Variants in GMEB1 observed in about 807,000 individuals in gnomAD.
The protein encoded by GMEB1 is glucocorticoid modulatory element-binding protein 1.
In GMEB1, 6 loss-of-function variants were observed where a neutral mutation model predicts 52.4. That is an observed-to-expected ratio of 0.11 (90% CI 0.06 to 0.23). The LOEUF is 0.23. Among genes scored for constraint, GMEB1 ranks in the 10% least tolerant of loss-of-function variants. GMEB1 has a pLI of 1.00. For synonymous variants in GMEB1, 255 were observed against 244.9 expected, an observed-to-expected ratio of 1.04 and a Z score of -0.38; for missense variants, 486 against 685.6, an observed-to-expected ratio of 0.71 and a Z score of 3.25.
At chr1:28,691,787 A>G (rs925642014) in intron 4 of GMEB1, 78 bp downstream of exon 4, 4 of 482,776 alleles carry the variant, frequency 8.3e-6, no homozygotes, top group Non-Finnish European at 1.5e-5. Context: ...CATCCTTTTT[A>G]TCTTCCACTA....
intron 4 of GMEB1, 115 bp downstream of exon 4, chr1:28,691,824 ATT>A: frequency 5.1e-6 from 1 of 195,630 alleles, no homozygotes; most frequent in Non-Finnish European, 9.8e-6. Flanking sequence ...TTATTTATTT[ATT>A]TATTTATTTA....
At chr1:28,697,936 G>C (rs1228333019) in intron 6 of GMEB1, among the ~76,000 whole-genome samples, 2 of 152,084 alleles carry the variant, frequency 1.3e-5, no homozygotes, top group East Asian at 3.9e-4. Context: ...TCAGGAGATT[G>C]AGACCATCCT....
chr1:28,700,354 T>C (rs1670441659), intron 6 of GMEB1, among the ~76,000 whole-genome samples: 1 of 150,384 alleles, frequency 6.6e-6, no homozygotes, highest in African/African-American at 2.4e-5. Flanking sequence ...CTACTAAAAA[T>C]ACAAAAAAAA....
rs764318801 is a variant in GMEB1, at chr1:28,710,544, C to G, written c.893C>G (p.Ala298Gly). 2 of 1,609,688 alleles carry G rather than the reference C, an allele frequency of 1.2e-6. No homozygotes were observed. Among genetic ancestry groups the G allele is most frequent in the South Asian group, 1.1e-5 (1 of 90,042 alleles). ...VTDAAVLNNV[A>G]HTFGLMDTVK... Reference sequence around the variant, plus strand: ...GATGCTGCTGTTCTCAACAATGTAGCACACACATTTGGCCTAATGGACACA... The same window carrying G: ...GATGCTGCTGTTCTCAACAATGTAGGACACACATTTGGCCTAATGGACACA... Residue 298 changes from alanine (A) to glycine (G), a missense_variant, in exon 9 of 10, where the codon GCA becomes GGA. This residue lies in a region of GMEB1 where 200 missense variants were observed against 253.5 expected (regional missense o/e 0.79). Transcript: ENST00000373816.
chr1:28,695,113 C>A (rs186906907), intron 5 of GMEB1, among the ~76,000 whole-genome samples: 2 of 151,554 alleles, frequency 1.3e-5, no homozygotes, highest in East Asian at 1.9e-4. Context: ...TACAGGTGCG[C>A]GCCACCACAC....
At chr1:28,669,127 C>T (rs1570366927) in intron 1 of GMEB1, among the ~76,000 whole-genome samples, 1 of 150,342 alleles carries the variant, frequency 6.7e-6, no homozygotes, top group African/African-American at 2.4e-5. Flanking sequence ...GGGCCCCAGA[C>T]CAGGGCGGCG....
In GMEB1 at chr1:28,717,050, TAAG is replaced by T. The variant is rs1272522414; in HGVS notation, c.*2281_*2283del. The T allele has an allele frequency of 6.6e-6, 1 of 152,032 alleles. No homozygotes were observed. Among genetic ancestry groups the T allele is most frequent in the Admixed American group, 6.6e-5 (1 of 15,266 alleles). The allele number at this position is 152,032 out of a possible 1,614,324, so 9.4% of individuals were successfully genotyped here. ...AGTTTTTTTTTTTCTTTTTTATTTT[TAAG>T]AAGGCACCTTTCAGAAGCCATGTTT... On this transcript the variant is annotated 3_prime_UTR_variant, in exon 10 of 10. Coordinates refer to ENST00000373816, the MANE Select transcript of GMEB1 (RefSeq NM_001319674.2).
At position 28,683,605 on chromosome 1, in the gene GMEB1, T is replaced by A. The variant is rs771107458; in HGVS notation, c.-8T>A. 1.3e-6 allele frequency: 2 copies of A among 1,594,852 alleles called. No individual in the cohort carries two copies. The highest frequency in any genetic ancestry group is 1.7e-6 in the Non-Finnish European group (2 of 1,172,628). On this transcript the variant is annotated 5_prime_UTR_variant, in exon 2 of 10. An upstream start codon of the reference 5' UTR is lost. Coordinates refer to ENST00000373816, the MANE Select transcript of GMEB1 (RefSeq NM_001319674.2). ...CAGCAGTCCCAGCTATCTGACTTCA[T>A]GTGAAAGATGGCTAATGCAGAAGTG...
At position 28,717,190 on chromosome 1, in the gene GMEB1, T is replaced by G. The variant is rs1409015701; in HGVS notation, c.*2417T>G. On this transcript the variant is annotated 3_prime_UTR_variant, in exon 10 of 10. Coordinates refer to ENST00000373816, the MANE Select transcript of GMEB1 (RefSeq NM_001319674.2). Reference sequence around the variant, plus strand: ...TGTAACATGGTAAGGTTGCTGTTTTTTTTTTTTTTTTCTTTTTGAGATGGA... The same window carrying G: ...TGTAACATGGTAAGGTTGCTGTTTTGTTTTTTTTTTTCTTTTTGAGATGGA... The G allele has an allele frequency of 2.6e-5, 4 of 151,400 alleles. No individual in the cohort carries two copies. The East Asian group carries it at 5.8e-4, about 22-fold the overall frequency. The allele number at this position is 151,400 out of a possible 1,614,324, so 9.4% of individuals were successfully genotyped here. A position where few individuals can be genotyped will look rare whatever the true frequency, so the allele number is the denominator to read the frequency against.
intron 1 of GMEB1, among the ~76,000 whole-genome samples, chr1:28,672,231 TTATTTTTGAGACG>T (rs1668923046): frequency 8.2e-6 from 1 of 122,676 alleles, no homozygotes; most frequent in Non-Finnish European, 1.8e-5. Flanking sequence ...ATTTATTTAT[TTATTTTTGAGACG>T]GAGTCTCACT....
intron 1 of GMEB1, among the ~76,000 whole-genome samples, chr1:28,672,458 C>T (rs1570372995): frequency 6.6e-6 from 1 of 151,060 alleles, no homozygotes. Flanking sequence ...CTCCTGACCT[C>T]GTGATCCGCC....
intron 1 of GMEB1, among the ~76,000 whole-genome samples, chr1:28,683,218 C>T (rs898748742): frequency 2.6e-5 from 4 of 151,534 alleles, no homozygotes; most frequent in African/African-American, 7.3e-5. Flanking sequence ...GACTTCTTTT[C>T]TTTTCTTCTT....
At chr1:28,713,940 A>G in intron 9 of GMEB1, 133 bp from the exon 10 acceptor site, 1 of 693,870 alleles carries the variant, frequency 1.4e-6, no homozygotes, top group Non-Finnish European at 2.5e-6. Context: ...CACAAGAAAG[A>G]AAACAATGTC....
intron 1 of GMEB1, 62 bp downstream of exon 1, chr1:28,668,901 C>A (rs1000417269): frequency 6.4e-4 from 89 of 140,072 alleles, no homozygotes; most frequent in Non-Finnish European, 1.0e-3. Flanking sequence ...GGGGCGGGCG[C>A]GGGGGCCGCG....
rs1452046736 is a variant in GMEB1, at chr1:28,674,713, T to TA, written c.-31+5874_-31+5875insA. Among the ~76,000 whole-genome samples the TA allele has an allele frequency of 2.6e-3, 311 of 119,392 alleles. 4 individuals carry two copies. The highest frequency in any genetic ancestry group is 0.018 in the Admixed American group (210 of 11,996). 78.3% of individuals were successfully genotyped at this position (119,392 alleles called of 152,430 possible). A position where few individuals can be genotyped will look rare whatever the true frequency, so the allele number is the denominator to read the frequency against. Reference sequence around the variant, plus strand: ...CCCGGCCAGAATAGTTAATTCTTTTTTTTTTTTTTTTTTTTTTTTTTTTGA... The same window carrying TA: ...CCCGGCCAGAATAGTTAATTCTTTTTATTTTTTTTTTTTTTTTTTTTTTTGA... On this transcript the variant is annotated intron_variant, in intron 1 of 9. Transcript: ENST00000373816.
At chr1:28,691,872 GT>G (rs1247907634) in intron 4 of GMEB1, among the ~76,000 whole-genome samples, 163 bp downstream of exon 4, 1 of 150,864 alleles carries the variant, frequency 6.6e-6, no homozygotes, top group African/African-American at 2.4e-5. Context: ...GTCCTAATGT[GT>G]CACAATAGAA....
chr1:28,702,176 T>C (rs1339137442), intron 6 of GMEB1, among the ~76,000 whole-genome samples: 1 of 152,180 alleles, frequency 6.6e-6, no homozygotes, highest in African/African-American at 2.4e-5. Context: ...GGAAACACAT[T>C]GCTCTTTTGT....
chr1:28,714,052 G>T, intron 9 of GMEB1, 21 bp from the exon 10 acceptor site: 1 of 1,574,538 alleles, frequency 6.4e-7, no homozygotes, highest in East Asian at 2.2e-5. Flanking sequence ...TCTACACAAA[G>T]TCTTTTCTTT....
chr1:28,714,838 C>G lies in GMEB1; in HGVS notation c.*65C>G, dbSNP rs1671218929. 1 of 1,097,424 alleles carries G rather than the reference C, an allele frequency of 9.1e-7. No individual in the cohort carries two copies. Among genetic ancestry groups the G allele is most frequent in the Non-Finnish European group, 1.3e-6 (1 of 749,588 alleles). 68.0% of individuals were successfully genotyped at this position (1,097,424 alleles called of 1,614,324 possible). A position where few individuals can be genotyped will look rare whatever the true frequency, so the allele number is the denominator to read the frequency against. ...ATTTTAATTATTTGTTTATTTTTAT[C>G]ATTGTCCCACTCATTTCCACATAGG... On this transcript the variant is annotated 3_prime_UTR_variant, in exon 10 of 10. Transcript: ENST00000373816.
Sources: allele counts gnomAD v4.1 joint callset (sites outside exome capture counted in the v4.1 genomes callset), GRCh38; gene constraint gnomAD v4.1.1; regional missense constraint gnomAD v4.1.1; transcripts MANE v1.5; gene names NCBI Gene and HGNC (gene_info 2026-07-23, HGNC 2026-07-21).